Variants in FRMD4B observed in about 807,000 individuals in gnomAD.
The protein encoded by FRMD4B is FERM domain-containing protein 4B.
Under a neutral mutation model 141.5 loss-of-function variants are expected in FRMD4B, and 74 were observed. That is an observed-to-expected ratio of 0.52 (90% CI 0.43 to 0.63). FRMD4B has a LOEUF of 0.63. Ranked by LOEUF, FRMD4B falls within the 30% of genes least tolerant of loss-of-function variation. FRMD4B has a pLI of 0.00. For synonymous variants in FRMD4B, 506 were observed against 467.9 expected (o/e 1.08, Z -1.05); for missense variants, 1,366 against 1,253.4 (o/e 1.09, Z -1.36).
chr3:69,180,246 C>CAAAAAAAAA (rs71115658), intron 21 of FRMD4B, among the ~76,000 whole-genome samples: 1 of 101,052 alleles, frequency 9.9e-6, no homozygotes, highest in Admixed American at 1.0e-4. Context: ...CTTGTTTCTA[C>CAAAAAAAAA]AAAAAAAAAA....
rs571564105 is a variant in FRMD4B at position 69,494,564 on chromosome 3, G to C, written c.-129+47642C>G. ...CTGAGTTCACACATGTGGGAAGAGGGGTGGTAGTCAAAGTCACAACAGAGA... is the reference window on the plus strand; with the variant it reads ...CTGAGTTCACACATGTGGGAAGAGGCGTGGTAGTCAAAGTCACAACAGAGA... On this transcript the variant is annotated intron_variant, in intron 1 of 5. Coordinates refer to the FRMD4B transcript ENST00000459638. 1.7e-4 allele frequency among the ~76,000 whole-genome samples: 26 copies of C among 152,202 alleles called. No homozygotes were observed. The South Asian group carries it at 5.4e-3, about 32-fold the overall frequency.
chr3:69,201,347 G>A (rs1033106594), intron 11 of FRMD4B, among the ~76,000 whole-genome samples: 9 of 152,170 alleles, frequency 5.9e-5, no homozygotes, highest in Admixed American at 2.6e-4. Context: ...AAAATAGGAT[G>A]AAAAATGACA....
At chr3:69,357,112 A>G (rs115906089) in intron 1 of FRMD4B, among the ~76,000 whole-genome samples, 141 of 152,318 alleles carry the variant, frequency 9.3e-4, no homozygotes, top group African/African-American at 3.2e-3. Flanking sequence ...CTCTAGGTGC[A>G]AAGACGGGAC....
chr3:69,512,604 G>A (rs1374651119), intron 1 of FRMD4B, among the ~76,000 whole-genome samples: 6 of 152,114 alleles, frequency 3.9e-5, no homozygotes, highest in Admixed American at 6.6e-5. Context: ...GGCTTCCAAC[G>A]TGGTTGCTCC....
chr3:69,390,451 G>C (rs1036692681), upstream of FRMD4B, among the ~76,000 whole-genome samples: 2 of 152,112 alleles, frequency 1.3e-5, no homozygotes, highest in African/African-American at 4.8e-5. Context: ...TTTGGTTGTC[G>C]CAACTGGGAG....
intron 2 of FRMD4B, among the ~76,000 whole-genome samples, chr3:69,417,268 A>G (rs1272058743): frequency 6.6e-6 from 1 of 152,080 alleles, no homozygotes; most frequent in Admixed American, 6.5e-5. Context: ...ATGGTATCTC[A>G]TTGTGGTTTT....
chr3:69,297,289 C>A (rs1033273816), intron 4 of FRMD4B, among the ~76,000 whole-genome samples: 1 of 152,096 alleles, frequency 6.6e-6, no homozygotes, highest in African/African-American at 2.4e-5. Context: ...ATGTTTGCAG[C>A]AATTTTCACC....
chr3:69,518,477 A>G (rs1246610681), intron 1 of FRMD4B, among the ~76,000 whole-genome samples: 1 of 152,206 alleles, frequency 6.6e-6, no homozygotes, highest in African/African-American at 2.4e-5. Context: ...ATAATATTAC[A>G]TAGTAAATGT....
intron 1 of FRMD4B, among the ~76,000 whole-genome samples, chr3:69,364,044 T>C (rs1575766056): frequency 6.6e-6 from 1 of 152,184 alleles, no homozygotes; most frequent in Non-Finnish European, 1.5e-5. Flanking sequence ...ACCCAAGTTA[T>C]ATGGGCAAGG....
At chr3:69,386,150 C>CCGG, upstream of FRMD4B, 2 of 647,086 alleles carry the variant, frequency 3.1e-6, no homozygotes, top group Non-Finnish European at 5.0e-6. Context: ...TGGCCAGGCT[C>CCGG]CGGCGGCATG....
intron 1 of FRMD4B, among the ~76,000 whole-genome samples, chr3:69,344,675 A>C (rs747969287): frequency 6.6e-6 from 1 of 152,162 alleles, no homozygotes; most frequent in Non-Finnish European, 1.5e-5. Flanking sequence ...GTATAGGATA[A>C]AGTTTCTCCT....
chr3:69,498,757 C>A (rs889240080), intron 1 of FRMD4B, among the ~76,000 whole-genome samples: 2 of 152,198 alleles, frequency 1.3e-5, no homozygotes, highest in African/African-American at 4.8e-5. Context: ...CAAGTATTCA[C>A]TGATTTGCAG....
intron 1 of FRMD4B, among the ~76,000 whole-genome samples, chr3:69,378,647 A>G (rs540953514): frequency 7.2e-5 from 11 of 152,242 alleles, no homozygotes; most frequent in African/African-American, 2.6e-4. Flanking sequence ...TCCCAAGTCT[A>G]TCCGCCTCAC....
chr3:69,333,448 C>G (rs1702445760), intron 1 of FRMD4B, among the ~76,000 whole-genome samples: 1 of 152,194 alleles, frequency 6.6e-6, no homozygotes, highest in Non-Finnish European at 1.5e-5. Flanking sequence ...CCCAGATTTC[C>G]ATGAATATTT....
At chr3:69,332,499 C>T (rs1431447436) in intron 1 of FRMD4B, among the ~76,000 whole-genome samples, 1 of 152,174 alleles carries the variant, frequency 6.6e-6, no homozygotes, top group Non-Finnish European at 1.5e-5. Flanking sequence ...ACCTGTCTGA[C>T]TCCCCAGGGA....
intron 1 of FRMD4B, among the ~76,000 whole-genome samples, chr3:69,324,429 T>C (rs936819470): frequency 1.4e-4 from 22 of 152,254 alleles, no homozygotes; most frequent in African/African-American, 5.3e-4. Context: ...GAAAGGGCAT[T>C]ATCTCTGGAG....
chr3:69,289,160 A>G (rs903935443), intron 4 of FRMD4B, among the ~76,000 whole-genome samples: 6 of 152,202 alleles, frequency 3.9e-5, no homozygotes, highest in Admixed American at 3.3e-4. Context: ...GGGGAAAAAT[A>G]GGTTTTGGAA....
At chr3:69,338,568 A>G (rs1702632883) in intron 1 of FRMD4B, among the ~76,000 whole-genome samples, 1 of 152,224 alleles carries the variant, frequency 6.6e-6, no homozygotes, top group African/African-American at 2.4e-5. Flanking sequence ...TATCATAAGC[A>G]AACTAATAAA....
chr3:69,512,570 T>C (rs1277707825), intron 1 of FRMD4B, among the ~76,000 whole-genome samples: 1 of 152,172 alleles, frequency 6.6e-6, no homozygotes, highest in Admixed American at 6.5e-5. Context: ...TGATGATGGG[T>C]GAGCTCTGCC....
Sources: allele counts gnomAD v4.1 joint callset (sites outside exome capture counted in the v4.1 genomes callset), GRCh38; gene constraint gnomAD v4.1.1; transcripts MANE v1.5; gene names NCBI Gene and HGNC (gene_info 2026-07-23, HGNC 2026-07-21).